Variants in CACHD1 observed in about 807,000 individuals in gnomAD.
CACHD1 encodes cache domain containing 1.
Under a neutral mutation model 138.7 loss-of-function variants are expected in CACHD1, and 71 were observed. The ratio of observed to expected loss-of-function variants is 0.51; its 90% CI spans 0.42 to 0.62. The LOEUF (loss-of-function observed/expected upper bound fraction) is 0.62. Ranked by LOEUF, CACHD1 falls within the 20% of genes least tolerant of loss-of-function variation. The probability of loss-of-function intolerance (pLI) is 0.00; values close to 1 mark genes in which losing one functional copy is unlikely to be tolerated. For synonymous variants in CACHD1, 578 were observed against 591.5 expected (o/e 0.98, Z 0.33); for missense variants, 1,389 against 1,625.3 (o/e 0.85, Z 2.50).
intron 2 of CACHD1, among the ~76,000 whole-genome samples, chr1:64,577,470 C>A (rs1570383881): frequency 6.6e-6 from 1 of 152,018 alleles, no homozygotes; most frequent in African/African-American, 2.4e-5. Context: ...GGTTGATCTC[C>A]ATATTACAAA....
In CACHD1 at chr1:64,692,222, T is replaced by A. The variant is rs1457456899; in HGVS notation, c.*661T>A. 5 of 152,644 alleles carry A rather than the reference T, an allele frequency of 3.3e-5. No homozygotes were observed. Among genetic ancestry groups the A allele is most frequent in the Non-Finnish European group, 5.9e-5 (4 of 68,206 alleles). The allele number at this position is 152,644 out of a possible 1,614,324, so 9.5% of individuals were successfully genotyped here. A position where few individuals can be genotyped will look rare whatever the true frequency, so the allele number is the denominator to read the frequency against. ...GTGTGTAATGAAGTGGTTCTTTGATTAAGGAGCTCTATTTCTTATTTAACT... is the reference window on the plus strand; with the variant it reads ...GTGTGTAATGAAGTGGTTCTTTGATAAAGGAGCTCTATTTCTTATTTAACT... On this transcript the variant is annotated 3_prime_UTR_variant, in exon 27 of 27. Coordinates refer to ENST00000651257, the MANE Select transcript of CACHD1 (RefSeq NM_020925.4).
At chr1:64,597,843 A>G (rs1378228916) in intron 3 of CACHD1, among the ~76,000 whole-genome samples, 1 of 152,112 alleles carries the variant, frequency 6.6e-6, no homozygotes. Context: ...CTGGCAGCTA[A>G]TGTACTTCTT....
intron 1 of CACHD1, among the ~76,000 whole-genome samples, chr1:64,504,560 A>G (rs993071954): frequency 2.0e-5 from 3 of 152,160 alleles, no homozygotes; most frequent in East Asian, 3.9e-4. Context: ...CATTTTGTAT[A>G]TAGGTACCTC....
At chr1:64,473,935 A>G (rs1646160125) in intron 1 of CACHD1, among the ~76,000 whole-genome samples, 1 of 152,196 alleles carries the variant, frequency 6.6e-6, no homozygotes, top group Non-Finnish European at 1.5e-5. Flanking sequence ...TTTTAGCACT[A>G]TAGTTTCCCA....
chr1:64,583,970 G>C (rs1484318296), intron 3 of CACHD1, among the ~76,000 whole-genome samples: 2 of 152,036 alleles, frequency 1.3e-5, no homozygotes, highest in African/African-American at 4.8e-5. Flanking sequence ...ACCATATTAG[G>C]TATAATCAAA....
At chr1:64,531,883 G>A (rs1220560979) in intron 1 of CACHD1, among the ~76,000 whole-genome samples, 3 of 152,176 alleles carry the variant, frequency 2.0e-5, no homozygotes, top group Non-Finnish European at 4.4e-5. Flanking sequence ...GCTTCTGTAG[G>A]ACGTATTAGA....
chr1:64,527,477 G>T (rs553419928), intron 1 of CACHD1, among the ~76,000 whole-genome samples: 133 of 152,290 alleles, frequency 8.7e-4, no homozygotes, highest in Non-Finnish European at 1.5e-3. Flanking sequence ...GTGTGGACAC[G>T]CTCTCACGCG....
chr1:64,589,333 G>A (rs1221984480), intron 3 of CACHD1, among the ~76,000 whole-genome samples: 1 of 152,120 alleles, frequency 6.6e-6, no homozygotes, highest in Non-Finnish European at 1.5e-5. Context: ...TCAACCTCTT[G>A]AGGGTATTGT....
At chr1:64,633,640 A>C (rs1648392344) in intron 6 of CACHD1, among the ~76,000 whole-genome samples, 1 of 152,156 alleles carries the variant, frequency 6.6e-6, no homozygotes. Flanking sequence ...TGACTTTGCC[A>C]ACTCCAGAGG....
intron 3 of CACHD1, among the ~76,000 whole-genome samples, chr1:64,590,214 C>G (rs77121734): frequency 2.7e-5 from 4 of 150,038 alleles, no homozygotes; most frequent in Non-Finnish European, 5.9e-5. Context: ...CCCAGCTACT[C>G]GGGAGGCTGA....
chr1:64,541,588 G>A (rs2100428895), intron 1 of CACHD1, among the ~76,000 whole-genome samples: 1 of 152,180 alleles, frequency 6.6e-6, no homozygotes, highest in Admixed American at 6.5e-5. Context: ...TGGACAGATT[G>A]CTTGAGCCCG....
rs189068874 is a variant in CACHD1, at chr1:64,536,898, G to A, written c.199-13696G>A. 3.1e-4 allele frequency among the ~76,000 whole-genome samples: 47 copies of A among 152,294 alleles called. 1 individual carries two copies. In the East Asian group the frequency reaches 7.3e-3, roughly 24 times the overall value. On this transcript the variant is annotated intron_variant, in intron 1 of 26. Coordinates refer to ENST00000651257, the MANE Select transcript of CACHD1 (RefSeq NM_020925.4). ...GCTATGATAAATCTATTCTGTCTCT[G>A]TGGGGTTGGAGGCATGTTGCTGAAA...
chr1:64,545,144 A>G (rs1049749660), intron 1 of CACHD1, among the ~76,000 whole-genome samples: 4 of 152,324 alleles, frequency 2.6e-5, no homozygotes, highest in Admixed American at 6.5e-5. Context: ...TTAAAAATAT[A>G]CAAAACATTT....
intron 24 of CACHD1, among the ~76,000 whole-genome samples, chr1:64,680,189 C>T (rs1428644953): frequency 6.6e-6 from 1 of 152,174 alleles, no homozygotes; most frequent in Non-Finnish European, 1.5e-5. Flanking sequence ...AATCACATCT[C>T]TTAAAACAGG....
At chr1:64,551,823 C>A (rs932875501) in intron 2 of CACHD1, among the ~76,000 whole-genome samples, 43 of 152,088 alleles carry the variant, frequency 2.8e-4, no homozygotes, top group African/African-American at 9.9e-4. Flanking sequence ...TGTTCTTTTT[C>A]TTAGCTTTAG....
chr1:64,579,630 T>C (rs1646996061), intron 2 of CACHD1, among the ~76,000 whole-genome samples: 1 of 152,204 alleles, frequency 6.6e-6, no homozygotes, highest in Admixed American at 6.5e-5. Context: ...TGCTTCTTGA[T>C]GGAGCTTCCA....
chr1:64,577,459 G>GAA (rs1646977161), intron 2 of CACHD1, among the ~76,000 whole-genome samples: 1 of 152,150 alleles, frequency 6.6e-6, no homozygotes, highest in African/African-American at 2.4e-5. Flanking sequence ...TGTGGGGAGA[G>GAA]GGTTGATCTC....
At chr1:64,505,465 G>T (rs1646365372) in intron 1 of CACHD1, among the ~76,000 whole-genome samples, 1 of 152,076 alleles carries the variant, frequency 6.6e-6, no homozygotes, top group African/African-American at 2.4e-5. Context: ...GCGGCTCAGC[G>T]AAGGCCCTCA....
rs1478481075 is a variant in CACHD1, at chr1:64,523,002, A to G, written c.199-27592A>G. On this transcript the variant is annotated intron_variant, in intron 1 of 26. Coordinates refer to ENST00000651257, the MANE Select transcript of CACHD1 (RefSeq NM_020925.4). ...TAAGTGCTGGCACAGTTTTAAAACA[A>G]AAGCATAAGTAGCCATGATGGCCTT... is the stretch of plus-strand genomic sequence containing the variant. Among the ~76,000 whole-genome samples, 6 of 152,362 alleles carry G rather than the reference A, an allele frequency of 3.9e-5. No homozygotes were observed. The East Asian group carries it at 9.7e-4, about 25-fold the overall frequency.
Sources: gnomAD v4.1 joint callset for allele counts (sites outside exome capture counted in the v4.1 genomes callset) on GRCh38, gnomAD v4.1.1 for gene constraint, MANE v1.5 for transcripts, NCBI Gene and HGNC (gene_info 2026-07-23, HGNC 2026-07-21) for gene names.